The following IL33 variants were observed in gnomAD, a reference collection of about 807,000 sequenced individuals.
The protein encoded by IL33 is interleukin-33.
Under a neutral mutation model 27.3 loss-of-function variants are expected in IL33, and 37 were observed. The ratio of observed to expected loss-of-function variants is 1.36; its 90% CI spans 1.04 to 1.78. IL33 has a LOEUF of 1.78. IL33 is among the 40% of genes most tolerant of loss of function. IL33 has a pLI of 0.00. For synonymous variants in IL33, 132 were observed against 102.9 expected (o/e 1.28, Z -1.71); for missense variants, 406 against 311.4 (o/e 1.30, Z -2.29).
rs752001563 is a variant in IL33 at position 6,256,196 on chromosome 9, G to A, written c.*28G>A. On this transcript the variant is annotated 3_prime_UTR_variant, in exon 8 of 8. Transcript: ENST00000682010. ...GATGGAAACCTGTGAGTCTTGGGTT[G>A]AGTACCCAAATGCTACCACTGGAGA... 1 of 1,521,924 alleles carries A rather than the reference G, an allele frequency of 6.6e-7. No homozygotes were observed. The highest frequency in any genetic ancestry group is 1.4e-5 in the African/African-American group (1 of 73,092). The allele number at this position is 1,521,924 out of a possible 1,614,324, so 94.3% of individuals were successfully genotyped here.
rs1040938333 is a variant in IL33 at position 6,256,757 on chromosome 9, T to C, written c.*589T>C. 1.8e-5 allele frequency: 3 copies of C among 167,112 alleles called. No homozygotes were observed. Among genetic ancestry groups the C allele is most frequent in the African/African-American group, 4.7e-5 (2 of 42,268 alleles). 10.4% of individuals were successfully genotyped at this position (167,112 alleles called of 1,614,324 possible). The stretch of plus-strand genomic sequence containing the variant: ...GGATATGGAACTTCAAAGGCCCACA[T>C]GGCAAGCCAGGTAACATAAATGTGT... On this transcript the variant is annotated 3_prime_UTR_variant, in exon 8 of 8. Transcript: ENST00000682010.
At chr9:6,231,239 A>G (rs12551256) in intron 1 of IL33, among the ~76,000 whole-genome samples, 62,078 of 152,058 alleles carry the variant, frequency 0.41, 14,125 homozygotes, top group Middle Eastern at 0.56. Context: ...TGGCTTCTCA[A>G]TGCACTCTGA....
intron 1 of IL33, among the ~76,000 whole-genome samples, chr9:6,229,528 A>G (rs917719560): frequency 6.6e-6 from 1 of 152,232 alleles, no homozygotes; most frequent in East Asian, 1.9e-4. Flanking sequence ...TAAGACTGTC[A>G]TTTCTGTAAG....
chr9:6,254,585 A>T (rs371599613), intron 7 of IL33, 32 bp downstream of exon 7: 55 of 1,289,560 alleles, frequency 4.3e-5, no homozygotes, highest in Non-Finnish European at 5.5e-5. Context: ...ATATCTATAT[A>T]TATGATTACA....
At chr9:6,252,052 C>CAACA (rs1457613538) in intron 4 of IL33, among the ~76,000 whole-genome samples, 20 of 36,218 alleles carry the variant, frequency 5.5e-4, no homozygotes, top group African/African-American at 1.4e-3. Context: ...AACAAACAAA[C>CAACA]AAACAAAAAA....
chr9:6,237,253 T>C (rs1466134175), intron 1 of IL33, among the ~76,000 whole-genome samples: 1 of 152,168 alleles, frequency 6.6e-6, no homozygotes, highest in African/African-American at 2.4e-5. Context: ...ATTTCTGATA[T>C]AAAAATAGGG....
intron 1 of IL33, among the ~76,000 whole-genome samples, chr9:6,233,386 A>G (rs1819023201): frequency 6.6e-6 from 1 of 152,186 alleles, no homozygotes; most frequent in Non-Finnish European, 1.5e-5. Flanking sequence ...TACTGCAGGA[A>G]GAAGTGTGCC....
At chr9:6,231,502 T>A (rs1269843385) in intron 1 of IL33, among the ~76,000 whole-genome samples, 1 of 152,252 alleles carries the variant, frequency 6.6e-6, no homozygotes, top group Non-Finnish European at 1.5e-5. Context: ...AAATGTCACC[T>A]TCTCTGACTA....
In IL33 at chr9:6,217,377, G is replaced by T. The variant is rs1259708832; in HGVS notation, c.-12+1525G>T. 2.0e-5 allele frequency among the ~76,000 whole-genome samples: 3 copies of T among 151,876 alleles called. No individual in the cohort carries two copies. In the East Asian group the frequency reaches 5.8e-4, roughly 29 times the overall value. ...GGTCTTTCATTATTTTTACCAAGGT[G>T]GTTTACTTTTGGTGAAGGGTTATTA... On this transcript the variant is annotated intron_variant, in intron 1 of 7. Coordinates refer to ENST00000682010, the MANE Select transcript of IL33 (RefSeq NM_033439.4).
chr9:6,216,431 G>A (rs1054430242), intron 1 of IL33, among the ~76,000 whole-genome samples: 1 of 152,174 alleles, frequency 6.6e-6, no homozygotes, highest in African/African-American at 2.4e-5. Context: ...TTTACAAGTG[G>A]TTTTCAGTAA....
At chr9:6,239,516 T>G (rs958350450) in intron 1 of IL33, among the ~76,000 whole-genome samples, 1 of 152,102 alleles carries the variant, frequency 6.6e-6, no homozygotes, top group Non-Finnish European at 1.5e-5. Context: ...TTTTCACACC[T>G]TATGTAAATA....
intron 1 of IL33, among the ~76,000 whole-genome samples, chr9:6,216,319 T>C (rs1309722408): frequency 1.3e-5 from 2 of 152,126 alleles, no homozygotes; most frequent in Non-Finnish European, 2.9e-5. Flanking sequence ...TATGTAGAGA[T>C]AGGGTCTTTG....
chr9:6,227,158 GTTTA>G (rs1340699759), intron 1 of IL33, among the ~76,000 whole-genome samples: 1 of 152,194 alleles, frequency 6.6e-6, no homozygotes, highest in African/African-American at 2.4e-5. Context: ...CTTCTGCCGA[GTTTA>G]TTTATCTTGA....
chr9:6,247,224 C>G (rs1281940077), intron 2 of IL33, among the ~76,000 whole-genome samples: 2 of 152,082 alleles, frequency 1.3e-5, no homozygotes, highest in Non-Finnish European at 2.9e-5. Flanking sequence ...TATGAGCAGA[C>G]AGTAGAGGGA....
chr9:6,224,882 T>C (rs1447056316), intron 1 of IL33, among the ~76,000 whole-genome samples: 2 of 152,134 alleles, frequency 1.3e-5, no homozygotes, highest in African/African-American at 4.8e-5. Context: ...TCAGGCAGAA[T>C]AGATTTTTTT....
chr9:6,255,850 C>G (rs1816694119), intron 7 of IL33, 118 bp from the exon 8 acceptor site: 1 of 788,022 alleles, frequency 1.3e-6, no homozygotes, highest in East Asian at 2.5e-5. Context: ...ACTAAGCAAG[C>G]TTGCTAGAAA....
rs1412401009 is a variant in IL33 at position 6,256,131 on chromosome 9, G to A, written c.776G>A (p.Cys259Tyr). ...LIKVDSSENL[C>Y]TENILFKLSE... is the part of the protein sequence containing the mutation. ...AAAGTAGACTCTTCTGAGAATTTGT[G>A]TACTGAAAATATCTTGTTTAAGCTC... The change falls in exon 8 of 8, where the codon TGT becomes TAT. Residue 259 changes from cysteine to tyrosine, a missense_variant. Transcript: ENST00000682010. The A allele has an allele frequency of 1.9e-6, 3 of 1,613,418 alleles. No individual in the cohort carries two copies. The highest frequency in any genetic ancestry group is 2.2e-5 in the East Asian group (1 of 44,866).
Position 6,250,490 on chromosome 9 carries a change from CA to C in IL33, c.111del (p.Glu38LysfsTer8). On this transcript the variant is annotated frameshift_variant, in exon 3 of 8. Coordinates refer to ENST00000682010, the MANE Select transcript of IL33 (RefSeq NM_033439.4). LOFTEE classifies it high-confidence loss of function. ...FKLGKSQQKAKEVCPMYFMKL... is the reference protein window; with the variant it reads ...FKLGKSQQKAXEVCPMYFMKL... ...ATTGTTTAGAATCCCAACAGAAGGC[CA>C]AAGAAGTTTGCCCCATGTACTTTAT... The C allele has an allele frequency of 6.2e-7, 1 of 1,613,388 alleles. No individual in the cohort carries two copies. The highest frequency in any genetic ancestry group is 8.5e-7 in the Non-Finnish European group (1 of 1,179,688).
intron 1 of IL33, among the ~76,000 whole-genome samples, chr9:6,234,384 T>A (rs1216276745): frequency 2.6e-5 from 4 of 152,208 alleles, no homozygotes; most frequent in Non-Finnish European, 5.9e-5. Flanking sequence ...CTGAGTTTCC[T>A]ATTATTAACC....
Sources: allele counts gnomAD v4.1 joint callset (sites outside exome capture counted in the v4.1 genomes callset), GRCh38; gene constraint gnomAD v4.1.1; transcripts MANE v1.5; gene names NCBI Gene and HGNC (gene_info 2026-07-23, HGNC 2026-07-21).